The following NRG1 variants were observed in gnomAD, a reference collection of about 807,000 sequenced individuals.
NRG1 encodes the protein pro-neuregulin-1, membrane-bound isoform.
A neutral mutation model predicts 63.8 loss-of-function variants in NRG1; 18 were observed. That is an observed-to-expected ratio of 0.28 (90% CI 0.19 to 0.42). The LOEUF is 0.42. NRG1 is among the 10% of genes least tolerant of loss of function. The probability of loss-of-function intolerance (pLI) is 1.00; values close to 1 mark genes in which losing one functional copy is unlikely to be tolerated. For synonymous variants in NRG1, 302 were observed against 301.3 expected (o/e 1.00, Z -0.02); for missense variants, 762 against 814.7 (o/e 0.94, Z 0.79).
chr8:31,876,102 G>C (rs2129612139), intron 1 of NRG1, among the ~76,000 whole-genome samples: 1 of 152,284 alleles, frequency 6.6e-6, no homozygotes, highest in African/African-American at 2.4e-5. Flanking sequence ...GAAGCATCTA[G>C]AGCTAGGACC....
At chr8:32,340,316 G>A (rs1463983484) in intron 1 of NRG1, among the ~76,000 whole-genome samples, 3 of 152,102 alleles carry the variant, frequency 2.0e-5, no homozygotes, top group African/African-American at 7.2e-5. Flanking sequence ...GTGCAATTCT[G>A]GCCTAATTCA....
At chr8:31,732,955 C>A (rs988932900) in intron 1 of NRG1, among the ~76,000 whole-genome samples, 1 of 152,076 alleles carries the variant, frequency 6.6e-6, no homozygotes, top group Admixed American at 6.6e-5. Context: ...TTATTTATTC[C>A]TCTCCTATGT....
intron 1 of NRG1, among the ~76,000 whole-genome samples, chr8:32,556,297 A>G (rs910579426): frequency 6.6e-6 from 1 of 152,250 alleles, no homozygotes; most frequent in Non-Finnish European, 1.5e-5. Context: ...TGAGCTAGGG[A>G]TAATTGAAGC....
At chr8:31,680,594 C>T (rs6993692) in intron 1 of NRG1, among the ~76,000 whole-genome samples, 140,155 of 148,298 alleles carry the variant, frequency 0.95, 66,699 homozygotes, top group East Asian at 1. Context: ...AGTGCCACAA[C>T]AAACATACGT....
intron 1 of NRG1, among the ~76,000 whole-genome samples, chr8:32,528,992 C>T (rs533524206): frequency 6.6e-6 from 1 of 152,210 alleles, no homozygotes; most frequent in African/African-American, 2.4e-5. Flanking sequence ...TCGTACCTCA[C>T]TTAACAATGT....
chr8:32,096,878 A>C (rs531706329), intron 1 of NRG1, among the ~76,000 whole-genome samples: 13 of 152,328 alleles, frequency 8.5e-5, no homozygotes, highest in Admixed American at 2.0e-4. Flanking sequence ...AGGTGTATAG[A>C]GGCAAACATC....
intron 1 of NRG1, among the ~76,000 whole-genome samples, chr8:31,839,874 G>T (rs548593029): frequency 6.6e-6 from 1 of 152,050 alleles, no homozygotes; most frequent in Non-Finnish European, 1.5e-5. Flanking sequence ...CTGTGAAATC[G>T]CAGGGACAGG....
At chr8:31,686,732 G>T (rs1037934673) in intron 1 of NRG1, among the ~76,000 whole-genome samples, 1 of 151,814 alleles carries the variant, frequency 6.6e-6, no homozygotes, top group African/African-American at 2.4e-5. Context: ...TTCCTTTTTA[G>T]GAAAGGTCTT....
chr8:32,021,415 C>A (rs1816421052), intron 1 of NRG1, among the ~76,000 whole-genome samples: 1 of 152,102 alleles, frequency 6.6e-6, no homozygotes, highest in South Asian at 2.1e-4. Context: ...TGGAAACTAC[C>A]CATTTCCTCA....
At chr8:31,704,352 A>G (rs1585786077) in intron 1 of NRG1, among the ~76,000 whole-genome samples, 2 of 152,250 alleles carry the variant, frequency 1.3e-5, no homozygotes, top group Admixed American at 1.3e-4. Flanking sequence ...CACAATATAA[A>G]TAAGTTGTAA....
At chr8:32,722,787 A>G (rs941859978) in intron 5 of NRG1, among the ~76,000 whole-genome samples, 10 of 152,188 alleles carry the variant, frequency 6.6e-5, no homozygotes, top group Admixed American at 4.6e-4. Context: ...TCCTGCATTT[A>G]TGATATTAAT....
intron 1 of NRG1, among the ~76,000 whole-genome samples, chr8:32,439,556 C>T (rs1819246018): frequency 6.6e-6 from 1 of 152,080 alleles, no homozygotes; most frequent in Non-Finnish European, 1.5e-5. Flanking sequence ...ACCTTTGCTC[C>T]CCAAACCCTA....
intron 1 of NRG1, among the ~76,000 whole-genome samples, chr8:32,452,216 T>C (rs1821045062): frequency 6.6e-6 from 1 of 152,172 alleles, no homozygotes; most frequent in Non-Finnish European, 1.5e-5. Flanking sequence ...TTGCCTTAAA[T>C]GAGCTCTAAA....
chr8:32,014,980 A>T (rs1162165808), intron 1 of NRG1, among the ~76,000 whole-genome samples: 3 of 152,116 alleles, frequency 2.0e-5, no homozygotes, highest in Non-Finnish European at 4.4e-5. Context: ...AAGCCAGGAG[A>T]GAGGCCTGAA....
At chr8:31,989,389 G>T (rs1810682197) in intron 1 of NRG1, among the ~76,000 whole-genome samples, 1 of 151,648 alleles carries the variant, frequency 6.6e-6, no homozygotes, top group Non-Finnish European at 1.5e-5. Flanking sequence ...CTGAGTATCA[G>T]TTATATTTAC....
rs188100947 is a variant in NRG1 at position 32,624,099 on chromosome 8, A to G, written c.502+7214A>G. Among the ~76,000 whole-genome samples the G allele has an allele frequency of 1.5e-3, 225 of 152,308 alleles. 1 individual carries two copies. Among genetic ancestry groups the G allele is most frequent in the African/African-American group, 5.1e-3 (214 of 41,554 alleles). ...CAGTGGCTTAGATTTCATCCCATGG[A>G]TGAGGGACTTGACGTTCAGAAATCT... On this transcript the variant is annotated intron_variant, in intron 5 of 11. Transcript: ENST00000356819.
At chr8:32,412,643 C>T (rs1332209986) in intron 1 of NRG1, among the ~76,000 whole-genome samples, 1 of 151,528 alleles carries the variant, frequency 6.6e-6, no homozygotes, top group East Asian at 1.9e-4. Flanking sequence ...TGCTGCACAC[C>T]TAACCTGATG....
At chr8:31,809,936 G>C (rs144872167) in intron 1 of NRG1, among the ~76,000 whole-genome samples, 2 of 151,540 alleles carry the variant, frequency 1.3e-5, no homozygotes, top group Admixed American at 1.3e-4. Context: ...CTTCGACTCA[G>C]ATGTCTGATA....
intron 1 of NRG1, among the ~76,000 whole-genome samples, chr8:31,926,082 C>T (rs183918873): frequency 7.4e-4 from 112 of 152,206 alleles, no homozygotes; most frequent in African/African-American, 2.3e-3. Context: ...AATGTATTTT[C>T]TTCAGGAAGG....
Sources: gnomAD v4.1 joint callset for allele counts (sites outside exome capture counted in the v4.1 genomes callset) on GRCh38, gnomAD v4.1.1 for gene constraint, MANE v1.5 for transcripts, NCBI Gene and HGNC (gene_info 2026-07-23, HGNC 2026-07-21) for gene names.